The following ZEB1 variants were observed in gnomAD, a reference collection of about 807,000 sequenced individuals.
ZEB1 encodes zinc finger E-box-binding homeobox 1.
In ZEB1, 21 loss-of-function variants were observed where a neutral mutation model predicts 84.9. The observed-to-expected ratio is 0.25, with a 90% CI of 0.18 to 0.36. The LOEUF (loss-of-function observed/expected upper bound fraction) is 0.36, where lower values mean the gene tolerates loss of function less well. ZEB1 is among the 10% of genes least tolerant of loss of function. ZEB1 has a pLI of 1.00. For synonymous variants in ZEB1, 420 were observed against 471.1 expected, an observed-to-expected ratio of 0.89 and a Z score of 1.41; for missense variants, 1,104 against 1,330.2, an observed-to-expected ratio of 0.83 and a Z score of 2.65.
At chr10:31,437,270 CAT>C (rs747656391) in intron 1 of ZEB1, among the ~76,000 whole-genome samples, 47 of 152,162 alleles carry the variant, frequency 3.1e-4, no homozygotes, top group Non-Finnish European at 6.0e-4. Flanking sequence ...GTATATTACT[CAT>C]ATTTGCAAAG....
chr10:31,383,851 T>C (rs1315926554), intron 1 of ZEB1, among the ~76,000 whole-genome samples: 1 of 152,104 alleles, frequency 6.6e-6, no homozygotes, highest in African/African-American at 2.4e-5. Context: ...TCACTGATAG[T>C]TTATTTGTCA....
Position 31,521,703 on chromosome 10 carries a change from G to A in ZEB1, c.2371G>A (p.Val791Ile), listed in dbSNP as rs2072419268. ...DSCVTDSEPV[V>I]NVIPPSANPI... ...TTGTGTTACAGACTCAGAACCAGTT[G>A]TAAATGTAATCCCACCAAGTGCCAA... The change falls in exon 7 of 9, where the codon GTA becomes ATA. Residue 791 changes from valine to isoleucine, a missense_variant. Transcript: ENST00000424869. 1 of 1,614,140 alleles carries A rather than the reference G, an allele frequency of 6.2e-7. No homozygotes were observed. Among genetic ancestry groups the A allele is most frequent in the African/African-American group, 1.3e-5 (1 of 75,038 alleles).
At chr10:31,318,855 G>C (rs936879380), upstream of ZEB1, 1 of 349,762 alleles carries the variant, frequency 2.9e-6, no homozygotes, top group African/African-American at 2.1e-5. Flanking sequence ...GGCGGGTGTG[G>C]CCAGCGCGGA....
intron 1 of ZEB1, among the ~76,000 whole-genome samples, chr10:31,442,128 A>T (rs983122479): frequency 5.1e-4 from 78 of 152,232 alleles, no homozygotes; most frequent in Non-Finnish European, 5.9e-5. Context: ...TTGCGGCACT[A>T]TTCACGATAG....
chr10:31,461,387 G>A (rs2137462917), intron 2 of ZEB1, 150 bp downstream of exon 2: 3 of 775,048 alleles, frequency 3.9e-6, no homozygotes, highest in Non-Finnish European at 6.2e-6. Flanking sequence ...ACTAAAAAGT[G>A]GATTATGAAG....
chr10:31,454,620 C>T (rs1431426085), intron 1 of ZEB1, among the ~76,000 whole-genome samples: 1 of 151,488 alleles, frequency 6.6e-6, no homozygotes, highest in African/African-American at 2.4e-5. Flanking sequence ...TCCTATACAC[C>T]AATAACAGAG....
At chr10:31,397,594 A>C (rs371967215) in intron 1 of ZEB1, among the ~76,000 whole-genome samples, 1 of 152,328 alleles carries the variant, frequency 6.6e-6, no homozygotes, top group South Asian at 2.1e-4. Context: ...AATCTTTTGC[A>C]CAACTGTTTA....
intron 2 of ZEB1, among the ~76,000 whole-genome samples, chr10:31,480,755 C>T (rs538941471): frequency 6.0e-4 from 91 of 152,130 alleles, no homozygotes; most frequent in African/African-American, 2.0e-3. Context: ...AACAAATTTG[C>T]TACCTAGAAT....
intron 2 of ZEB1, among the ~76,000 whole-genome samples, chr10:31,491,828 ATTTGT>A (rs2066576522): frequency 6.6e-6 from 1 of 151,898 alleles, no homozygotes; most frequent in Admixed American, 6.6e-5. Flanking sequence ...TGTGAGTTGC[ATTTGT>A]TTTAACTTTG....
chr10:31,352,642 A>G (rs1263680983), intron 1 of ZEB1, among the ~76,000 whole-genome samples: 1 of 152,164 alleles, frequency 6.6e-6, no homozygotes, highest in Non-Finnish European at 1.5e-5. Flanking sequence ...GGCGTGGAGC[A>G]CAGTTGGGGG....
At chr10:31,472,478 G>A (rs544978971) in intron 2 of ZEB1, among the ~76,000 whole-genome samples, 8 of 151,626 alleles carry the variant, frequency 5.3e-5, no homozygotes, top group South Asian at 2.1e-4. Context: ...TACATTCCTC[G>A]ACACATACAC....
chr10:31,470,754 A>G (rs2063122610), intron 2 of ZEB1, among the ~76,000 whole-genome samples: 1 of 139,032 alleles, frequency 7.2e-6, no homozygotes, highest in Non-Finnish European at 1.5e-5. Flanking sequence ...TCCAAGACAC[A>G]TAATTGTCAG....
At chr10:31,376,771 T>C (rs1253270784) in intron 1 of ZEB1, among the ~76,000 whole-genome samples, 3 of 151,536 alleles carry the variant, frequency 2.0e-5, no homozygotes, top group African/African-American at 7.3e-5. Context: ...GCTAGAAGAG[T>C]ATCTAGCATA....
At chr10:31,413,536 C>G (rs1205007133) in intron 1 of ZEB1, among the ~76,000 whole-genome samples, 2 of 151,880 alleles carry the variant, frequency 1.3e-5, no homozygotes, top group Non-Finnish European at 2.9e-5. Context: ...AAAGCAAAAC[C>G]TATTGGACAA....
chr10:31,475,006 A>G (rs1191714433), intron 2 of ZEB1, among the ~76,000 whole-genome samples: 4 of 150,986 alleles, frequency 2.6e-5, no homozygotes, highest in Non-Finnish European at 4.4e-5. Context: ...GTGGGAATTG[A>G]ACAATGAGAT....
intron 1 of ZEB1, among the ~76,000 whole-genome samples, chr10:31,350,099 A>G (rs1387055042): frequency 6.6e-6 from 1 of 152,070 alleles, no homozygotes; most frequent in Non-Finnish European, 1.5e-5. Flanking sequence ...TTCGTAAATG[A>G]TGTGAGATGA....
chr10:31,493,235 T>G (rs1274030730), intron 2 of ZEB1, among the ~76,000 whole-genome samples: 1 of 151,998 alleles, frequency 6.6e-6, no homozygotes, highest in African/African-American at 2.4e-5. Flanking sequence ...TTAGACTGAC[T>G]TTTTCATTCT....
chr10:31,414,297 T>G (rs2054823790), intron 1 of ZEB1, among the ~76,000 whole-genome samples: 1 of 152,214 alleles, frequency 6.6e-6, no homozygotes, highest in Admixed American at 6.5e-5. Context: ...CTCTACTGAA[T>G]AGGTAGTAAT....
chr10:31,377,209 G>C (rs925178407), intron 1 of ZEB1, among the ~76,000 whole-genome samples: 7 of 150,280 alleles, frequency 4.7e-5, no homozygotes, highest in South Asian at 4.2e-4. Flanking sequence ...AATGTAACCA[G>C]TCAACAGTTG....
Sources: gnomAD v4.1 joint callset for allele counts (sites outside exome capture counted in the v4.1 genomes callset) on GRCh38, gnomAD v4.1.1 for gene constraint, MANE v1.5 for transcripts, NCBI Gene and HGNC (gene_info 2026-07-23, HGNC 2026-07-21) for gene names.